Variants in IL1RAPL2 observed in about 807,000 individuals in gnomAD.
The protein encoded by IL1RAPL2 is interleukin 1 receptor accessory protein like 2, also known as X-linked interleukin-1 receptor accessory protein-like 2.
IL1RAPL2 carries 3 observed loss-of-function variants against 44.1 expected under a neutral mutation model. The observed-to-expected ratio is 0.07, with a 90% CI of 0.03 to 0.18. The LOEUF (loss-of-function observed/expected upper bound fraction) is 0.18. Among genes scored for constraint, IL1RAPL2 ranks in the 10% least tolerant of loss-of-function variants. The probability of loss-of-function intolerance (pLI) is 1.00; values close to 1 mark genes in which losing one functional copy is unlikely to be tolerated. For missense variants in IL1RAPL2, 391 were observed against 496.4 expected (o/e 0.79, Z 2.02); for synonymous variants, 181 against 178.8 (o/e 1.01, Z -0.10).
intron 2 of IL1RAPL2, among the ~76,000 whole-genome samples, chrX:104,989,367 A>G (rs2030618590): frequency 9.0e-6 from 1 of 111,721 alleles, no homozygotes; most frequent in Admixed American, 9.6e-5. Context: ...TGAGAGACCA[A>G]CTCAGATTGC....
chrX:105,359,910 G>T (rs956114215), intron 5 of IL1RAPL2, among the ~76,000 whole-genome samples: 3 of 110,677 alleles, frequency 2.7e-5, no homozygotes, highest in Non-Finnish European at 5.7e-5. Context: ...TTTATTTTAT[G>T]TATGAGGTAA....
At chrX:105,147,726 G>A (rs993675247) in intron 2 of IL1RAPL2, among the ~76,000 whole-genome samples, 69 of 111,160 alleles carry the variant, frequency 6.2e-4, no homozygotes, top group African/African-American at 2.2e-3. Flanking sequence ...ATCATGTTTT[G>A]TTTATCCATT....
chrX:105,450,907 A>T (rs868630934), intron 5 of IL1RAPL2, among the ~76,000 whole-genome samples: 4 of 94,135 alleles, frequency 4.2e-5, no homozygotes, highest in Non-Finnish European at 6.5e-5. Context: ...CTTAGGTCCG[A>T]GTGTGTGTGT....
chrX:105,562,516 C>CACACAT (rs1049692655), intron 6 of IL1RAPL2, among the ~76,000 whole-genome samples: 2 of 101,895 alleles, frequency 2.0e-5, no homozygotes, highest in African/African-American at 7.6e-5. Context: ...AAAATAAACA[C>CACACAT]ACACACACAC....
intron 2 of IL1RAPL2, among the ~76,000 whole-genome samples, chrX:104,870,583 A>G (rs747445863): frequency 8.1e-5 from 9 of 111,708 alleles, no homozygotes; most frequent in African/African-American, 2.9e-4. Context: ...GTGACTCTGA[A>G]GTTTGTGTTC....
intron 5 of IL1RAPL2, among the ~76,000 whole-genome samples, chrX:105,448,832 A>G (rs1205866552): frequency 9.0e-6 from 1 of 110,954 alleles, no homozygotes; most frequent in Non-Finnish European, 1.9e-5. Context: ...CTATTAAAAG[A>G]TTCTGATGCA....
intron 1 of IL1RAPL2, among the ~76,000 whole-genome samples, chrX:104,581,594 T>C (rs774698825): frequency 9.0e-6 from 1 of 111,641 alleles, no homozygotes; most frequent in East Asian, 2.8e-4. Flanking sequence ...CTCAGGAACA[T>C]TGGGGATGGA....
intron 2 of IL1RAPL2, among the ~76,000 whole-genome samples, chrX:104,846,542 C>A (rs182717550): frequency 3.1e-3 from 343 of 111,770 alleles, no homozygotes; most frequent in Middle Eastern, 9.3e-3. Context: ...TTTTTTATGG[C>A]TGCATAGTAA....
chrX:104,828,737 C>A (rs1921529881), intron 2 of IL1RAPL2, among the ~76,000 whole-genome samples: 1 of 112,578 alleles, frequency 8.9e-6, no homozygotes, highest in South Asian at 3.6e-4. Flanking sequence ...CAGCCGCCCC[C>A]TCCCCCAGGT....
chrX:105,311,641 CATATAT>C (rs111798589), intron 5 of IL1RAPL2, among the ~76,000 whole-genome samples: 28 of 101,527 alleles, frequency 2.8e-4, no homozygotes, highest in South Asian at 1.3e-3. Context: ...CACACACACA[CATATAT>C]ATATATATAT....
At chrX:105,657,582 G>A (rs1186780785) in intron 6 of IL1RAPL2, among the ~76,000 whole-genome samples, 1 of 111,863 alleles carries the variant, frequency 8.9e-6, no homozygotes, top group Non-Finnish European at 1.9e-5. Context: ...GCATGTAGTG[G>A]TGTACTAAAA....
chrX:105,731,489 A>G (rs141575835), intron 7 of IL1RAPL2, among the ~76,000 whole-genome samples: 5,716 of 110,409 alleles, frequency 0.052, 389 homozygotes, highest in African/African-American at 0.18. Context: ...TGAAATTAGT[A>G]TCTCAAAGGC....
At chrX:105,558,895 A>C (rs1441859410) in intron 6 of IL1RAPL2, among the ~76,000 whole-genome samples, 2 of 111,769 alleles carry the variant, frequency 1.8e-5, no homozygotes, top group Non-Finnish European at 3.8e-5. Flanking sequence ...TTTGTGTTTT[A>C]ATTAAATCTG....
chrX:105,051,483 C>A (rs1261990921), intron 2 of IL1RAPL2, among the ~76,000 whole-genome samples: 2 of 112,905 alleles, frequency 1.8e-5, no homozygotes, highest in Non-Finnish European at 3.8e-5. Flanking sequence ...CAGCCAGCTG[C>A]AGCTGCATCC....
intron 10 of IL1RAPL2, among the ~76,000 whole-genome samples, chrX:105,766,012 CAT>C (rs1279637525): frequency 1.1e-4 from 12 of 112,527 alleles, no homozygotes; most frequent in African/African-American, 2.9e-4. Flanking sequence ...TTTGTTAACA[CAT>C]GTGTGTGTTT....
At chrX:105,180,380 GA>G (rs2033519738) in intron 2 of IL1RAPL2, among the ~76,000 whole-genome samples, 1 of 108,437 alleles carries the variant, frequency 9.2e-6, no homozygotes, top group African/African-American at 3.5e-5. Flanking sequence ...AAGAAAAAAA[GA>G]AAAAAGTGGG....
chrX:105,175,092 T>C (rs1292672674), intron 2 of IL1RAPL2, among the ~76,000 whole-genome samples: 1 of 111,457 alleles, frequency 9.0e-6, no homozygotes, highest in Non-Finnish European at 1.9e-5. Context: ...AGTCAATGAA[T>C]GTAAAGCACT....
intron 6 of IL1RAPL2, among the ~76,000 whole-genome samples, chrX:105,677,212 G>C (rs369148421): frequency 7.1e-5 from 8 of 111,944 alleles, no homozygotes; most frequent in African/African-American, 2.6e-4. Flanking sequence ...GATTACAAGG[G>C]AAAATTGTCA....
chrX:104,603,041 T>A (rs1278710624), intron 1 of IL1RAPL2, among the ~76,000 whole-genome samples: 5 of 111,417 alleles, frequency 4.5e-5, no homozygotes, highest in Non-Finnish European at 9.4e-5. Context: ...GGAAGACACC[T>A]CCCAGATGGG....
Sources: allele counts gnomAD v4.1 joint callset (sites outside exome capture counted in the v4.1 genomes callset), GRCh38; gene constraint gnomAD v4.1.1; transcripts MANE v1.5; gene names NCBI Gene and HGNC (gene_info 2026-07-23, HGNC 2026-07-21).